The following VSTM2L variants were observed in gnomAD, a reference collection of about 807,000 sequenced individuals.
VSTM2L encodes V-set and transmembrane domain-containing protein 2-like protein.
VSTM2L carries 9 observed loss-of-function variants against 19.9 expected under a neutral mutation model. That is an observed-to-expected ratio of 0.45 (90% CI 0.27 to 0.79). The LOEUF is 0.79. Among genes scored for constraint, VSTM2L ranks in the 30% least tolerant of loss-of-function variants. The pLI is 0.15. For synonymous variants in VSTM2L, 127 were observed against 133.8 expected (o/e 0.95, Z 0.35); for missense variants, 286 against 295.5 (o/e 0.97, Z 0.24).
chr20:37,937,221 A>G (rs535873713), intron 3 of VSTM2L, among the ~76,000 whole-genome samples: 1 of 152,174 alleles, frequency 6.6e-6, no homozygotes, highest in Non-Finnish European at 1.5e-5. Context: ...GAGGACAGGC[A>G]TCTGTAATAA....
intron 1 of VSTM2L, among the ~76,000 whole-genome samples, chr20:37,916,278 G>A (rs765705827): frequency 2.6e-5 from 4 of 152,184 alleles, no homozygotes; most frequent in Admixed American, 6.5e-5. Flanking sequence ...ACGCCTGTGT[G>A]CCTGCTCCCG....
intron 3 of VSTM2L, among the ~76,000 whole-genome samples, chr20:37,934,883 G>A (rs888828260): frequency 1.3e-5 from 2 of 152,182 alleles, no homozygotes; most frequent in Non-Finnish European, 2.9e-5. Context: ...GTTGGGGTCT[G>A]AAAATTCAAG....
At chr20:37,938,296 G>A (rs1675644371) in intron 3 of VSTM2L, among the ~76,000 whole-genome samples, 1 of 152,218 alleles carries the variant, frequency 6.6e-6, no homozygotes, top group Admixed American at 6.5e-5. Context: ...CAGCAGTAAG[G>A]CCTTCTGGGG....
chr20:37,932,527 C>T (rs549171495), intron 2 of VSTM2L, among the ~76,000 whole-genome samples: 48 of 152,270 alleles, frequency 3.2e-4, no homozygotes, highest in African/African-American at 1.2e-3. Flanking sequence ...GGATGAATGC[C>T]TCAGCTCCCT....
Position 37,929,841 on chromosome 20 carries a change from T to C in VSTM2L, c.122-1794T>C, listed in dbSNP as rs1414105782. 3.3e-5 allele frequency among the ~76,000 whole-genome samples: 5 copies of C among 152,042 alleles called. No homozygotes were observed. In the East Asian group the frequency reaches 9.6e-4, roughly 29 times the overall value. ...AGCCCAGGGTGACTAGTTTCTGGGT[T>C]GATCCCCTGGAAGGAGGGGGTGGCC... On this transcript the variant is annotated intron_variant, in intron 1 of 3. Transcript: ENST00000373461.
chr20:37,914,716 C>G (rs1231118067), intron 1 of VSTM2L, among the ~76,000 whole-genome samples: 1 of 152,146 alleles, frequency 6.6e-6, no homozygotes, highest in Admixed American at 6.5e-5. Context: ...CAGCAGGCAT[C>G]GGGCTCCCAT....
At chr20:37,933,407 C>A in intron 2 of VSTM2L, 132 bp from the exon 3 acceptor site, 1 of 714,326 alleles carries the variant, frequency 1.4e-6, no homozygotes, top group Non-Finnish European at 2.3e-6. Context: ...GGCCCCCGAG[C>A]CTCATCTGCT....
In VSTM2L at chr20:37,944,650, C is replaced by A. The variant is rs1346239545; in HGVS notation, c.*397C>A. On this transcript the variant is annotated 3_prime_UTR_variant, in exon 4 of 4. Transcript: ENST00000373461. ...CCCAGCCTCGCCTCCCTCCTCCTAC[C>A]ATCCCTCACTTGGACCTGGGGGTGT... The A allele has an allele frequency of 6.9e-6, 7 of 1,014,232 alleles. No individual in the cohort carries two copies. The highest frequency in any genetic ancestry group is 5.9e-6 in the Non-Finnish European group (5 of 849,930). The allele number at this position is 1,014,232 out of a possible 1,614,324, so 62.8% of individuals were successfully genotyped here. A position where few individuals can be genotyped will look rare whatever the true frequency, so the allele number is the denominator to read the frequency against.
At chr20:37,917,809 C>T (rs2072828537) in intron 1 of VSTM2L, among the ~76,000 whole-genome samples, 1 of 152,236 alleles carries the variant, frequency 6.6e-6, no homozygotes, top group South Asian at 2.1e-4. Context: ...CTGGATGGGA[C>T]AAGAGGCCGT....
At chr20:37,933,398 G>GC (rs2072921726) in intron 2 of VSTM2L, 141 bp from the exon 3 acceptor site, 1 of 663,322 alleles carries the variant, frequency 1.5e-6, no homozygotes, top group Admixed American at 2.8e-5. Context: ...AGACTCCATG[G>GC]CCCCCGAGCC....
chr20:37,944,295 A>C lies in VSTM2L; in HGVS notation c.*42A>C, dbSNP rs1315907040. ...CCGCCCATCCGCCCCCACGCTGTAC[A>C]GAGTGCATGAGGAGCCGCCGGACCA... On this transcript the variant is annotated 3_prime_UTR_variant, in exon 4 of 4. Coordinates refer to ENST00000373461, the MANE Select transcript of VSTM2L (RefSeq NM_080607.3). The C allele has an allele frequency of 1.2e-5, 17 of 1,415,052 alleles. No homozygotes were observed. Among genetic ancestry groups the C allele is most frequent in the Non-Finnish European group, 1.6e-5 (17 of 1,079,340 alleles). 87.7% of individuals were successfully genotyped at this position (1,415,052 alleles called of 1,614,324 possible).
intron 1 of VSTM2L, among the ~76,000 whole-genome samples, chr20:37,928,523 G>C (rs1234963707): frequency 6.6e-6 from 1 of 152,268 alleles, no homozygotes; most frequent in East Asian, 1.9e-4. Flanking sequence ...GGGAGGCCAA[G>C]GCGGGGAGAT....
At chr20:37,932,089 T>G (rs1376527008) in intron 2 of VSTM2L, among the ~76,000 whole-genome samples, 2 of 151,908 alleles carry the variant, frequency 1.3e-5, no homozygotes, top group Non-Finnish European at 2.9e-5. Flanking sequence ...GGGGTACAGG[T>G]GAGGAAACTG....
intron 3 of VSTM2L, among the ~76,000 whole-genome samples, chr20:37,934,828 C>A (rs1042008573): frequency 1.2e-4 from 18 of 152,116 alleles, no homozygotes; most frequent in Non-Finnish European, 2.2e-4. Flanking sequence ...GGCAAGAGAG[C>A]AAGGATCTTC....
chr20:37,931,050 G>T (rs755733222), intron 1 of VSTM2L, among the ~76,000 whole-genome samples: 3 of 152,184 alleles, frequency 2.0e-5, no homozygotes, highest in Non-Finnish European at 4.4e-5. Flanking sequence ...AAGGAGAACA[G>T]CCAGAGCAAG....
intron 1 of VSTM2L, among the ~76,000 whole-genome samples, chr20:37,930,944 C>G (rs2072905337): frequency 6.6e-6 from 1 of 152,304 alleles, no homozygotes; most frequent in Middle Eastern, 3.4e-3. Context: ...TCGGGATCCT[C>G]AAGGAGGACC....
chr20:37,914,348 T>C (rs1239702252), intron 1 of VSTM2L, among the ~76,000 whole-genome samples: 69 of 1,580 alleles, frequency 0.044, no homozygotes, highest in South Asian at 0.061. Context: ...TATGTGTGCA[T>C]GTGTGTGGGG....
intron 2 of VSTM2L, 90 bp downstream of exon 2, chr20:37,931,894 G>A: frequency 7.2e-7 from 1 of 1,398,464 alleles, no homozygotes; most frequent in Non-Finnish European, 9.6e-7. Flanking sequence ...CTCCTCTGAG[G>A]GATATGGGCT....
At chr20:37,933,487 C>CCCCCT in intron 2 of VSTM2L, 52 bp from the exon 3 acceptor site, 1 of 1,472,832 alleles carries the variant, frequency 6.8e-7, no homozygotes, top group Non-Finnish European at 9.4e-7. Flanking sequence ...CCACCCCCAC[C>CCCCCT]CTGTGCTAAC....
Sources: allele counts gnomAD v4.1 joint callset (sites outside exome capture counted in the v4.1 genomes callset), GRCh38; gene constraint gnomAD v4.1.1; transcripts MANE v1.5; gene names NCBI Gene and HGNC (gene_info 2026-07-23, HGNC 2026-07-21).